The following KDM5C variants were observed in gnomAD, a reference collection of about 807,000 sequenced individuals.
KDM5C encodes the protein lysine demethylase 5C.
KDM5C carries 16 observed loss-of-function variants against 110.6 expected under a neutral mutation model. The observed-to-expected ratio is 0.14, with a 90% confidence interval of 0.10 to 0.22. The LOEUF is 0.22. Among genes scored for constraint, KDM5C ranks in the 10% least tolerant of loss-of-function variants. KDM5C has a pLI of 1.00. For synonymous variants in KDM5C, 511 were observed against 520.4 expected (o/e 0.98, Z 0.24); for missense variants, 681 against 1,300.9 (o/e 0.52, Z 7.33).
intron 19 of KDM5C, 151 bp from the exon 20 acceptor site, chrX:53,196,205 T>G (rs1350709536): frequency 1.6e-6 from 1 of 612,690 alleles, no homozygotes; most frequent in Non-Finnish European, 2.6e-6. Context: ...CACCTAAGGG[T>G]AGCTGCCAGT....
At chrX:53,182,789 G>A (rs2039141596) in intron 25 of KDM5C, among the ~76,000 whole-genome samples, 1 of 112,528 alleles carries the variant, frequency 8.9e-6, no homozygotes, top group Non-Finnish European at 1.9e-5. Flanking sequence ...ATCTTATTCT[G>A]TAGGCTGTCT....
chrX:53,195,118 C>G (rs782502406), intron 21 of KDM5C, 50 bp from the exon 22 acceptor site: 1 of 1,184,200 alleles, frequency 8.4e-7, no homozygotes, highest in Admixed American at 2.3e-5. Flanking sequence ...CTTACATCCC[C>G]CGCCTCCTTC....
At chrX:53,197,950 A>G (rs1569262693) in intron 17 of KDM5C, 74 bp from the exon 18 acceptor site, 3 of 763,647 alleles carry the variant, frequency 3.9e-6, no homozygotes. Context: ...AAGACTGAAC[A>G]CCTTTCCTCA....
intron 1 of KDM5C, among the ~76,000 whole-genome samples, chrX:53,222,260 T>A (rs1255814358): frequency 5.6e-5 from 6 of 106,250 alleles, no homozygotes; most frequent in African/African-American, 2.1e-4. Context: ...TTTTAGAAAA[T>A]GGGCTAGAGG....
At position 53,192,858 on chromosome X, in the gene KDM5C, G is replaced by GGCCCCC; in HGVS notation, c.*108_*109insGGGGGC. On this transcript the variant is annotated 3_prime_UTR_variant, in exon 26 of 26. Coordinates refer to ENST00000375401, the MANE Select transcript of KDM5C (RefSeq NM_004187.5). ...CAGGGGTGGGCGGGTAGCAGGGATG[G>GGCCCCC]CCACCCCCCTACCCGCCCACCCCCC... 1 of 728,432 alleles carries GGCCCCC rather than the reference G, an allele frequency of 1.4e-6. No individual in the cohort carries two copies. The highest frequency in any genetic ancestry group is 1.8e-6 in the Non-Finnish European group (1 of 548,377). 60.0% of individuals were successfully genotyped at this position (728,432 alleles called of 1,213,427 possible).
intron 14 of KDM5C, among the ~76,000 whole-genome samples, chrX:53,200,146 A>G (rs994835440): frequency 5.4e-5 from 6 of 111,823 alleles, no homozygotes; most frequent in Non-Finnish European, 1.1e-4. Context: ...TAATTTTCAG[A>G]TAAGAATATA....
In KDM5C at chrX:53,212,255, C is replaced by T. The variant is rs138315561; in HGVS notation, c.1123-349G>A. The stretch of plus-strand genomic sequence containing the variant: ...TCTAAATGGCTCTGACTTTAATATG[C>T]TATCCTGTGTTCTTCTGCCACCATT... On this transcript the variant is annotated intron_variant, in intron 8 of 25. Coordinates refer to ENST00000375401, the MANE Select transcript of KDM5C (RefSeq NM_004187.5). Among the ~76,000 whole-genome samples the T allele has an allele frequency of 3.5e-3, 389 of 110,217 alleles. 3 individuals are homozygous for T. The highest frequency in any genetic ancestry group is 0.012 in the African/African-American group (374 of 30,279).
chrX:53,213,931 C>T (rs1304248433), intron 8 of KDM5C, among the ~76,000 whole-genome samples: 1 of 110,356 alleles, frequency 9.1e-6, no homozygotes, highest in Non-Finnish European at 1.9e-5. Flanking sequence ...GGTGGGAACA[C>T]AAGTAATTTG....
At chrX:53,208,299 G>C (rs2073417782) in intron 12 of KDM5C, among the ~76,000 whole-genome samples, 1 of 108,312 alleles carries the variant, frequency 9.2e-6, no homozygotes, top group Non-Finnish European at 1.9e-5. Context: ...AAATGCTGTG[G>C]AGGTGTAAGC....
At chrX:53,217,714 C>T in intron 4 of KDM5C, 82 bp downstream of exon 4, 1 of 1,075,503 alleles carries the variant, frequency 9.3e-7, no homozygotes, top group Non-Finnish European at 1.3e-6. Context: ...CTCCAGTCCA[C>T]TAAACCAGTT....
At chrX:53,222,805 G>A (rs1304541004) in intron 1 of KDM5C, among the ~76,000 whole-genome samples, 4 of 111,473 alleles carry the variant, frequency 3.6e-5, no homozygotes, top group South Asian at 3.8e-4. Context: ...TTTCCCAAGC[G>A]TAGCAGTCAC....
intron 1 of KDM5C, 117 bp downstream of exon 1, chrX:53,224,623 C>G: frequency 1.1e-6 from 1 of 934,973 alleles, no homozygotes; most frequent in South Asian, 2.2e-5. Flanking sequence ...GCAACCACAA[C>G]GGTCCCAGCC....
rs782381302 is a variant in KDM5C at position 53,218,413 on chromosome X, G to A, written c.229-15C>T. Reference sequence around the variant, plus strand: ...CTCGTCTGGGCCTGAAGAAGAAATGGCTCAAAGAGGCTGGCCACCCCCTCC... The same window carrying A: ...CTCGTCTGGGCCTGAAGAAGAAATGACTCAAAGAGGCTGGCCACCCCCTCC... On this transcript the variant is annotated splice_polypyrimidine_tract_variant and intron_variant, in intron 2 of 25. Transcript: ENST00000375401. The A allele has an allele frequency of 2.7e-5, 33 of 1,207,945 alleles. No individual in the cohort carries two copies. The highest frequency in any genetic ancestry group is 3.6e-5 in the Non-Finnish European group (32 of 894,442).
chrX:53,179,024 C>T (rs1556825078), intron 25 of KDM5C, among the ~76,000 whole-genome samples: 1 of 112,361 alleles, frequency 8.9e-6, no homozygotes, highest in East Asian at 2.8e-4. Context: ...CACCCGAGGT[C>T]AGGAGTTCAA....
intron 12 of KDM5C, among the ~76,000 whole-genome samples, chrX:53,204,159 G>C (rs2073241312): frequency 9.0e-6 from 1 of 110,706 alleles, no homozygotes; most frequent in Non-Finnish European, 1.9e-5. Flanking sequence ...CTTCACTGTA[G>C]GGTGATCTAG....
intron 6 of KDM5C, 23 bp downstream of exon 6, chrX:53,216,051 C>T: frequency 4.9e-6 from 6 of 1,212,272 alleles, no homozygotes; most frequent in Non-Finnish European, 6.7e-6. Flanking sequence ...CAGGTGAGGC[C>T]ACCCCAGCCT....
chrX:53,197,448 ACTC>A (rs1306592983), intron 18 of KDM5C, among the ~76,000 whole-genome samples: 1 of 106,542 alleles, frequency 9.4e-6, no homozygotes, highest in Non-Finnish European at 1.9e-5. Context: ...TCTCCATCTC[ACTC>A]CTCCTCCACC....
intron 25 of KDM5C, among the ~76,000 whole-genome samples, chrX:53,186,015 G>A (rs1034466841): frequency 6.3e-5 from 7 of 111,806 alleles, no homozygotes; most frequent in Admixed American, 2.8e-4. Context: ...TGGGGACAGG[G>A]AAATATCCAG....
chrX:53,212,107 T>C (rs782606871), intron 8 of KDM5C, among the ~76,000 whole-genome samples: 24 of 111,844 alleles, frequency 2.1e-4, no homozygotes, highest in African/African-American at 7.5e-4. Flanking sequence ...ATCATGCTTT[T>C]GCTCAGTTCC....
Sources: allele counts gnomAD v4.1 joint callset (sites outside exome capture counted in the v4.1 genomes callset), GRCh38; gene constraint gnomAD v4.1.1; transcripts MANE v1.5; gene names NCBI Gene and HGNC (gene_info 2026-07-23, HGNC 2026-07-21).